XKR9: variants seen among roughly 807,000 people sequenced by gnomAD.
The protein encoded by XKR9 is XK-related protein 9.
A neutral mutation model predicts 32.0 loss-of-function variants in XKR9; 32 were observed. The ratio of observed to expected loss-of-function variants is 1.00; its 90% CI spans 0.76 to 1.34. The LOEUF (loss-of-function observed/expected upper bound fraction) is 1.34, where lower values mean the gene tolerates loss of function less well. XKR9 is among the 40% of genes most tolerant of loss of function. The probability of loss-of-function intolerance (pLI) is 0.00; values close to 1 mark genes in which losing one functional copy is unlikely to be tolerated. For missense variants in XKR9, 546 were observed against 429.7 expected (o/e 1.27, Z -2.39); for synonymous variants, 168 against 143.4 (o/e 1.17, Z -1.22).
the XKR9 span, among the ~76,000 whole-genome samples, chr8:70,889,156 A>T: frequency 3.4e-5 from 5 of 149,030 alleles, no homozygotes; most frequent in South Asian, 2.2e-4. Context: ...TGTTGTCAAG[A>T]TCTTTCACCT....
the XKR9 span, among the ~76,000 whole-genome samples, chr8:70,807,094 A>G: frequency 6.6e-6 from 1 of 152,110 alleles, no homozygotes; most frequent in African/African-American, 2.4e-5. Flanking sequence ...AAGGCAGAAG[A>G]GATTGGGGGC....
chr8:71,036,003 CTT>C, the XKR9 span, among the ~76,000 whole-genome samples: 125 of 152,254 alleles, frequency 8.2e-4, no homozygotes, highest in Admixed American at 2.5e-3. Flanking sequence ...AGATCATACT[CTT>C]TTGTCTTTTA....
chr8:70,803,634 A>G, the XKR9 span, among the ~76,000 whole-genome samples: 1 of 151,786 alleles, frequency 6.6e-6, no homozygotes, highest in Non-Finnish European at 1.5e-5. Context: ...TGATTCCTTT[A>G]GAGGTTTGAT....
At chr8:71,020,520 T>C in the XKR9 span, among the ~76,000 whole-genome samples, 1 of 152,252 alleles carries the variant, frequency 6.6e-6, no homozygotes, top group Non-Finnish European at 1.5e-5. Flanking sequence ...TCATAGTTTA[T>C]TGTATAGGTC....
chr8:71,047,674 T>C, the XKR9 span, among the ~76,000 whole-genome samples: 1 of 152,226 alleles, frequency 6.6e-6, no homozygotes, highest in African/African-American at 2.4e-5. Flanking sequence ...CTGACTTTGT[T>C]TTCCCTGTGG....
chr8:70,705,806 A>T (rs1466731997), intron 3 of XKR9, among the ~76,000 whole-genome samples: 1 of 152,086 alleles, frequency 6.6e-6, no homozygotes, highest in African/African-American at 2.4e-5. Flanking sequence ...TTATATGGGG[A>T]GCAAGAGTAG....
intron 2 of XKR9, among the ~76,000 whole-genome samples, chr8:70,778,658 C>T (rs1457619269): frequency 6.6e-6 from 1 of 152,016 alleles, no homozygotes; most frequent in Non-Finnish European, 1.5e-5. Context: ...TGAAGAGGTC[C>T]TTCACATCCC....
intron 3 of XKR9, among the ~76,000 whole-genome samples, chr8:70,695,852 C>T (rs34198700): frequency 0.51 from 71,745 of 139,732 alleles, 19,666 homozygotes; most frequent in Middle Eastern, 0.6. Flanking sequence ...GTTTCCTGAC[C>T]TTTTAATGAT....
intron 2 of XKR9, among the ~76,000 whole-genome samples, chr8:70,676,305 A>G (rs1563415487): frequency 6.6e-6 from 1 of 152,222 alleles, no homozygotes; most frequent in Admixed American, 6.5e-5. Flanking sequence ...CCCCACCTCC[A>G]ACATGGGGGA....
the XKR9 span, among the ~76,000 whole-genome samples, chr8:71,010,177 A>G: frequency 6.6e-6 from 1 of 152,180 alleles, no homozygotes; most frequent in East Asian, 1.9e-4. Context: ...AAACATTCCT[A>G]TTGGTACCAG....
intron 2 of XKR9, among the ~76,000 whole-genome samples, chr8:70,768,895 G>T (rs1351630339): frequency 1.3e-5 from 2 of 152,082 alleles, no homozygotes; most frequent in African/African-American, 4.8e-5. Context: ...TTGCCAGTCT[G>T]TGTCTTTTAA....
At chr8:70,867,868 A>T in the XKR9 span, among the ~76,000 whole-genome samples, 3 of 152,246 alleles carry the variant, frequency 2.0e-5, no homozygotes, top group African/African-American at 7.2e-5. Flanking sequence ...AGAGCAGGTT[A>T]GTTACTTCCT....
At chr8:70,852,940 T>A in the XKR9 span, among the ~76,000 whole-genome samples, 1 of 152,012 alleles carries the variant, frequency 6.6e-6, no homozygotes, top group African/African-American at 2.4e-5. Context: ...CCATGGCACA[T>A]GTATGCCTAT....
At chr8:71,033,840 A>G in the XKR9 span, among the ~76,000 whole-genome samples, 1 of 152,314 alleles carries the variant, frequency 6.6e-6, no homozygotes, top group East Asian at 1.9e-4. Context: ...AGCCAACAGA[A>G]TTGTGAGCCA....
the XKR9 span, among the ~76,000 whole-genome samples, chr8:70,870,682 G>A: frequency 2.0e-5 from 3 of 152,186 alleles, no homozygotes; most frequent in Non-Finnish European, 4.4e-5. Context: ...TCAGTTTATT[G>A]TGGAGATTCA....
the XKR9 span, among the ~76,000 whole-genome samples, chr8:70,944,355 A>G: frequency 4.6e-5 from 7 of 152,208 alleles, no homozygotes; most frequent in East Asian, 1.3e-3. Context: ...AACACAGAAA[A>G]TCTCTGTGAG....
intron 4 of XKR9, among the ~76,000 whole-genome samples, chr8:70,723,576 C>T (rs1271908022): frequency 6.6e-6 from 1 of 152,192 alleles, no homozygotes; most frequent in Admixed American, 6.5e-5. Flanking sequence ...GGCCCCTCTT[C>T]TTCAGATCTG....
chr8:70,755,796 A>G (rs1807215159), intron 2 of XKR9, among the ~76,000 whole-genome samples: 1 of 151,112 alleles, frequency 6.6e-6, no homozygotes, highest in Non-Finnish European at 1.5e-5. Flanking sequence ...GCATTAGGAG[A>G]TATACCTAAT....
At chr8:70,795,285 C>T (rs1375638826), downstream of XKR9, among the ~76,000 whole-genome samples, 1 of 152,106 alleles carries the variant, frequency 6.6e-6, no homozygotes, top group African/African-American at 2.4e-5. Flanking sequence ...TCAGCTTCTT[C>T]CATGTTCCTG....
Sources: allele counts gnomAD v4.1 joint callset (sites outside exome capture counted in the v4.1 genomes callset), GRCh38; gene constraint gnomAD v4.1.1; transcripts MANE v1.5; gene names NCBI Gene and HGNC (gene_info 2026-07-23, HGNC 2026-07-21).